Variants in PCDH15 observed in about 807,000 individuals in gnomAD.
The protein encoded by PCDH15 is protocadherin-15.
A neutral mutation model predicts 178.5 loss-of-function variants in PCDH15; 129 were observed. That is an observed-to-expected ratio of 0.72 (90% confidence interval 0.63 to 0.84). The LOEUF (loss-of-function observed/expected upper bound fraction) is 0.84. Among genes scored for constraint, PCDH15 ranks in the 40% least tolerant of loss-of-function variants. The probability of loss-of-function intolerance (pLI) is 0.00; values close to 1 mark genes in which losing one functional copy is unlikely to be tolerated. For missense variants in PCDH15, 2,230 were observed against 2,099.9 expected, an observed-to-expected ratio of 1.06 and a Z score of -1.21; for synonymous variants, 800 against 732.0, an observed-to-expected ratio of 1.09 and a Z score of -1.50.
chr10:54,756,558 T>C (rs1449354361), intron 1 of PCDH15, among the ~76,000 whole-genome samples: 3 of 152,206 alleles, frequency 2.0e-5, no homozygotes, highest in Non-Finnish European at 4.4e-5. Context: ...CACACAGATC[T>C]TGGAAAAATA....
chr10:54,668,181 A>C (rs72794508), intron 1 of PCDH15, among the ~76,000 whole-genome samples: 10,379 of 152,148 alleles, frequency 0.068, 487 homozygotes, highest in Admixed American at 0.097. Flanking sequence ...TCTTCTAGGC[A>C]GTTGGAAAAT....
chr10:54,591,443 T>C (rs2091885464), intron 2 of PCDH15, among the ~76,000 whole-genome samples: 1 of 152,126 alleles, frequency 6.6e-6, no homozygotes, highest in African/African-American at 2.4e-5. Flanking sequence ...CACTATAAGC[T>C]AGAAAGATCG....
chr10:54,116,237 C>CAA (rs58948747), intron 15 of PCDH15, among the ~76,000 whole-genome samples: 180 of 124,736 alleles, frequency 1.4e-3, no homozygotes, highest in African/African-American at 4.6e-3. Flanking sequence ...ACTGAAAATG[C>CAA]AAAAAAAAAA....
intron 2 of PCDH15, among the ~76,000 whole-genome samples, chr10:55,088,496 A>G (rs1418759428): frequency 6.6e-6 from 1 of 152,020 alleles, no homozygotes; most frequent in Admixed American, 6.6e-5. Context: ...CTGGTCTTGA[A>G]TTCCTGACCC....
At chr10:54,939,798 G>T (rs1010936672) in intron 2 of PCDH15, among the ~76,000 whole-genome samples, 20 of 152,042 alleles carry the variant, frequency 1.3e-4, no homozygotes, top group Non-Finnish European at 2.6e-4. Context: ...CCTTTTTGTT[G>T]TGTCCTCAGA....
At chr10:54,643,742 A>T (rs369950880) in intron 2 of PCDH15, among the ~76,000 whole-genome samples, 368 of 150,886 alleles carry the variant, frequency 2.4e-3, no homozygotes, top group African/African-American at 8.5e-3. Flanking sequence ...TCACATAAAC[A>T]TATAATACTA....
rs531241271 is a variant in PCDH15, at chr10:54,792,334, AC to A, written c.-29+8590del. On this transcript the variant is annotated intron_variant, in intron 1 of 37. Coordinates refer to ENST00000644397, the MANE Select transcript of PCDH15 (RefSeq NM_001384140.1). ...GGGAGCAGATTTTTCACAAATGACAACCTTGCTTCTGAGAAAGCAGGTAGCT... is the reference window on the plus strand; with the variant it reads ...GGGAGCAGATTTTTCACAAATGACAACTTGCTTCTGAGAAAGCAGGTAGCT... 3.9e-5 allele frequency among the ~76,000 whole-genome samples: 6 copies of A among 152,014 alleles called. No individual in the cohort carries two copies. The South Asian group carries it at 8.3e-4, about 21-fold the overall frequency.
chr10:54,033,300 T>G (rs549222844), intron 18 of PCDH15, among the ~76,000 whole-genome samples: 6 of 152,092 alleles, frequency 3.9e-5, no homozygotes, highest in African/African-American at 1.4e-4. Context: ...TTCTTTCTAA[T>G]AGAACCCTTA....
intron 1 of PCDH15, among the ~76,000 whole-genome samples, chr10:54,719,067 T>C (rs2095514633): frequency 6.6e-6 from 1 of 151,810 alleles, no homozygotes; most frequent in African/African-American, 2.4e-5. Flanking sequence ...TTAAAAATAT[T>C]GATTTTAAAG....
intron 1 of PCDH15, among the ~76,000 whole-genome samples, chr10:55,289,884 C>G (rs1842964976): frequency 6.6e-6 from 1 of 151,908 alleles, no homozygotes; most frequent in African/African-American, 2.4e-5. Context: ...TTTCACGGGA[C>G]TGAGTGAGTT....
At chr10:54,882,079 A>G (rs1003960569) in intron 3 of PCDH15, among the ~76,000 whole-genome samples, 1 of 152,116 alleles carries the variant, frequency 6.6e-6, no homozygotes, top group Non-Finnish European at 1.5e-5. Context: ...CTACATCTGC[A>G]TTATTTAATA....
chr10:54,929,939 C>T (rs760743275), intron 2 of PCDH15, among the ~76,000 whole-genome samples: 9 of 152,124 alleles, frequency 5.9e-5, no homozygotes, highest in Non-Finnish European at 1.3e-4. Context: ...ATAAGGAAGT[C>T]TTCCGTGAAG....
intron 15 of PCDH15, among the ~76,000 whole-genome samples, chr10:54,106,789 C>T (rs1432922712): frequency 6.6e-6 from 1 of 152,094 alleles, no homozygotes; most frequent in African/African-American, 2.4e-5. Context: ...GGTGTTTATT[C>T]AGACAGAAGA....
At chr10:53,976,036 T>C (rs1185678932) in intron 21 of PCDH15, among the ~76,000 whole-genome samples, 1 of 152,146 alleles carries the variant, frequency 6.6e-6, no homozygotes, top group Non-Finnish European at 1.5e-5. Flanking sequence ...TTTTTCTCTA[T>C]AGTTTGTTTT....
At chr10:54,239,432 T>TATATAGAGAGAGAGAGAGAGAG (rs1554853331) in intron 8 of PCDH15, among the ~76,000 whole-genome samples, 1 of 150,560 alleles carries the variant, frequency 6.6e-6, no homozygotes, top group Non-Finnish European at 1.5e-5. Flanking sequence ...TATATATATA[T>TATATAGAGAGAGAGAGAGAGAG]AGAGTAAGAA....
chr10:55,323,866 T>G (rs1843965853), upstream of PCDH15, among the ~76,000 whole-genome samples: 2 of 152,198 alleles, frequency 1.3e-5, no homozygotes, highest in South Asian at 4.2e-4. Flanking sequence ...TAGGAGGTGT[T>G]GGGGTAGAAT....
At chr10:54,056,472 A>G (rs1018613263) in intron 18 of PCDH15, among the ~76,000 whole-genome samples, 2 of 152,176 alleles carry the variant, frequency 1.3e-5, no homozygotes, top group South Asian at 4.1e-4. Flanking sequence ...GGCAGGCAGG[A>G]GAGAGCTTGT....
At chr10:54,476,957 C>A (rs1385026972) in intron 3 of PCDH15, among the ~76,000 whole-genome samples, 1 of 152,090 alleles carries the variant, frequency 6.6e-6, no homozygotes. Context: ...GACACCATTT[C>A]TCTTTCCTTA....
intron 3 of PCDH15, among the ~76,000 whole-genome samples, chr10:54,887,371 A>G (rs1954377599): frequency 6.6e-6 from 1 of 152,136 alleles, no homozygotes; most frequent in South Asian, 2.1e-4. Flanking sequence ...GCTGTATATA[A>G]ACAAACTTGA....
Sources: gnomAD v4.1 joint callset for allele counts (sites outside exome capture counted in the v4.1 genomes callset) on GRCh38, gnomAD v4.1.1 for gene constraint, MANE v1.5 for transcripts, NCBI Gene and HGNC (gene_info 2026-07-23, HGNC 2026-07-21) for gene names.